SLIT3: variants seen among roughly 807,000 people sequenced by gnomAD.
The protein encoded by SLIT3 is slit guidance ligand 3.
Under a neutral mutation model 184.0 loss-of-function variants are expected in SLIT3, and 68 were observed. The observed-to-expected ratio is 0.37, with a 90% confidence interval of 0.30 to 0.45. SLIT3 has a LOEUF of 0.45. Ranked by LOEUF, SLIT3 falls within the 20% of genes least tolerant of loss-of-function variation. The probability of loss-of-function intolerance (pLI) is 1.00; values close to 1 mark genes in which losing one functional copy is unlikely to be tolerated. For missense variants in SLIT3, 1,707 were observed against 2,026.0 expected (o/e 0.84, Z 3.02); for synonymous variants, 831 against 828.6 (o/e 1.00, Z -0.05).
chr5:169,102,938 T>C (rs1760073398), intron 4 of SLIT3, among the ~76,000 whole-genome samples: 1 of 152,230 alleles, frequency 6.6e-6, no homozygotes, highest in African/African-American at 2.4e-5. Context: ...ATTTTAAACT[T>C]GTTTTAACCT....
At position 168,884,549 on chromosome 5, in the gene SLIT3, GATATATATATATATATAT is replaced by G. The variant is rs58407375; in HGVS notation, c.414-1231_414-1214del. ...ATCTAACTACTGCTACCAATTACGA[GATATATATATATATATAT>G]ATATATATATATATGAAATTCCACC... On this transcript the variant is annotated intron_variant, in intron 4 of 35. Transcript: ENST00000519560. Among the ~76,000 whole-genome samples, 45 of 41,140 alleles carry G rather than the reference GATATATATATATATATAT, an allele frequency of 1.1e-3. 1 individual carries two copies. The South Asian group carries it at 0.016, about 15-fold the overall frequency. 27.0% of individuals were successfully genotyped at this position (41,140 alleles called of 152,430 possible).
chr5:169,025,833 A>G (rs1043973597), intron 4 of SLIT3, among the ~76,000 whole-genome samples: 2 of 152,220 alleles, frequency 1.3e-5, no homozygotes, highest in Non-Finnish European at 2.9e-5. Context: ...AAAATAATAA[A>G]TAAGGCTCCC....
chr5:168,780,831 G>C (rs1755943983), intron 12 of SLIT3, among the ~76,000 whole-genome samples: 1 of 152,186 alleles, frequency 6.6e-6, no homozygotes, highest in African/African-American at 2.4e-5. Flanking sequence ...TAAAATATGG[G>C]GATTAATTTA....
intron 16 of SLIT3, among the ~76,000 whole-genome samples, chr5:168,755,389 A>ATTTATTTATTTATTTCTTTC (rs1213373035): frequency 7.5e-6 from 1 of 133,640 alleles, no homozygotes; most frequent in Non-Finnish European, 1.7e-5. Flanking sequence ...CAGTGCCGCC[A>ATTTATTTATTTATTTCTTTC]TTTCTTTCTT....
At chr5:169,161,308 CCTCTCAGCTTCAGTTA>C (rs1762470595) in intron 4 of SLIT3, among the ~76,000 whole-genome samples, 1 of 152,202 alleles carries the variant, frequency 6.6e-6, no homozygotes, top group Admixed American at 6.5e-5. Flanking sequence ...CACTGCCTGC[CCTCTCAGCTTCAGTTA>C]CTCTGCCATG....
chr5:169,183,301 G>A (rs929061415), intron 4 of SLIT3, among the ~76,000 whole-genome samples: 5 of 152,194 alleles, frequency 3.3e-5, no homozygotes, highest in African/African-American at 7.2e-5. Context: ...TTCATACGTA[G>A]TAAAGAGAGT....
In SLIT3 at chr5:169,244,757, C is replaced by A. The variant is rs1296601739; in HGVS notation, c.289G>T (p.Val97Phe). Residue 97 changes from valine to phenylalanine, a missense_variant, in exon 3 of 36, where the codon GTC (valine) becomes TTC (phenylalanine). Val to Phe is a conservative substitution (Grantham distance 50). Around this residue, in one of 3 missense-constraint regions of SLIT3, gnomAD observed 1,307 missense variants for 1,511.6 expected, o/e 0.86. Coordinates refer to ENST00000519560, the MANE Select transcript of SLIT3 (RefSeq NM_003062.4). Reference protein sequence around the residue: ...LRVLHLEDNQVSVIERGAFQD... With the variant: ...LRVLHLEDNQFSVIERGAFQD... ...AAGGCGCCTCTCTCGATGACGCTGACCTGGTTGTCTTCCAGATGCCTACAA... is the reference window on the plus strand; with the variant it reads ...AAGGCGCCTCTCTCGATGACGCTGAACTGGTTGTCTTCCAGATGCCTACAA... 3.1e-6 allele frequency: 5 copies of A among 1,613,958 alleles called. No homozygotes were observed. Among genetic ancestry groups the A allele is most frequent in the South Asian group, 2.2e-5 (2 of 91,078 alleles).
intron 14 of SLIT3, among the ~76,000 whole-genome samples, chr5:168,771,117 G>T (rs1002559622): frequency 2.0e-5 from 3 of 152,156 alleles, no homozygotes; most frequent in Non-Finnish European, 2.9e-5. Flanking sequence ...TTCTTTTTGG[G>T]TACCACTGTT....
At chr5:168,687,390 A>G (rs377603950) in intron 29 of SLIT3, among the ~76,000 whole-genome samples, 1 of 152,200 alleles carries the variant, frequency 6.6e-6, no homozygotes, top group African/African-American at 2.4e-5. Context: ...CACTTCCTAC[A>G]TGAAACTGAC....
At chr5:168,747,573 C>G (rs1017478380) in intron 20 of SLIT3, among the ~76,000 whole-genome samples, 3 of 152,110 alleles carry the variant, frequency 2.0e-5, no homozygotes, top group Non-Finnish European at 4.4e-5. Flanking sequence ...CAGGGAGGCC[C>G]CCTCACTGGG....
intron 17 of SLIT3, 96 bp from the exon 18 acceptor site, chr5:168,753,194 C>A (rs536304200): frequency 4.1e-5 from 55 of 1,350,704 alleles, no homozygotes; most frequent in Non-Finnish European, 5.2e-5. Flanking sequence ...AGGTGAGATG[C>A]TTTTGCCAAT....
At chr5:168,746,775 T>C (rs1381638837) in intron 20 of SLIT3, among the ~76,000 whole-genome samples, 1 of 59,830 alleles carries the variant, frequency 1.7e-5, no homozygotes. Context: ...TGGTGGTGTG[T>C]GGTGTGTGAG....
At chr5:168,954,420 G>A (rs991979238) in intron 4 of SLIT3, among the ~76,000 whole-genome samples, 20 of 151,940 alleles carry the variant, frequency 1.3e-4, no homozygotes, top group African/African-American at 4.8e-4. Flanking sequence ...TGGGGCCTGG[G>A]GAGCATAAAC....
chr5:168,808,180 G>T (rs1757041598), intron 8 of SLIT3, among the ~76,000 whole-genome samples: 1 of 123,374 alleles, frequency 8.1e-6, no homozygotes, highest in Non-Finnish European at 1.7e-5. Flanking sequence ...ATGCCCGAAA[G>T]ATGATGACTT....
chr5:168,991,837 C>T (rs935609288), intron 4 of SLIT3, among the ~76,000 whole-genome samples: 3 of 152,152 alleles, frequency 2.0e-5, no homozygotes, highest in African/African-American at 2.4e-5. Context: ...CTAACCCACA[C>T]ATTTCCCTCT....
chr5:168,826,071 T>G (rs1757694956), intron 6 of SLIT3, among the ~76,000 whole-genome samples: 1 of 152,238 alleles, frequency 6.6e-6, no homozygotes, highest in African/African-American at 2.4e-5. Flanking sequence ...GTTCACAGCC[T>G]GGCTCTAATT....
chr5:168,914,082 C>T (rs990613729), intron 4 of SLIT3, among the ~76,000 whole-genome samples: 1 of 152,096 alleles, frequency 6.6e-6, no homozygotes, highest in African/African-American at 2.4e-5. Context: ...TAACTGGTAC[C>T]CAGTTGAAGG....
chr5:169,247,278 G>A (rs1051114552), intron 2 of SLIT3, among the ~76,000 whole-genome samples: 2 of 151,914 alleles, frequency 1.3e-5, no homozygotes, highest in Non-Finnish European at 2.9e-5. Context: ...CATATGCAAG[G>A]AGGGCCTTGG....
At chr5:169,126,823 G>C (rs899611688) in intron 4 of SLIT3, among the ~76,000 whole-genome samples, 5 of 152,186 alleles carry the variant, frequency 3.3e-5, no homozygotes, top group Non-Finnish European at 7.4e-5. Flanking sequence ...GGCCACAGAT[G>C]GGGATCACTT....
Sources: allele counts gnomAD v4.1 joint callset (sites outside exome capture counted in the v4.1 genomes callset), GRCh38; gene constraint gnomAD v4.1.1; regional missense constraint gnomAD v4.1.1; transcripts MANE v1.5; gene names NCBI Gene and HGNC (gene_info 2026-07-23, HGNC 2026-07-21).